Variants in CACNA2D3 observed in about 807,000 individuals in gnomAD.
CACNA2D3 encodes voltage-dependent calcium channel subunit alpha-2/delta-3.
Under a neutral mutation model 160.6 loss-of-function variants are expected in CACNA2D3, and 60 were observed. That is an observed-to-expected ratio of 0.37 (90% confidence interval 0.30 to 0.46). The LOEUF (loss-of-function observed/expected upper bound fraction) is 0.46, where lower values mean the gene tolerates loss of function less well. Ranked by LOEUF, CACNA2D3 falls within the 20% of genes least tolerant of loss-of-function variation. The pLI, the probability that CACNA2D3 is intolerant of heterozygous loss-of-function variation, is 1.00. For synonymous variants in CACNA2D3, 558 were observed against 492.9 expected (o/e 1.13, Z -1.75); for missense variants, 1,205 against 1,365.0 (o/e 0.88, Z 1.85).
intron 2 of CACNA2D3, among the ~76,000 whole-genome samples, chr3:54,144,269 T>C (rs1576955938): frequency 6.6e-6 from 1 of 152,352 alleles, no homozygotes; most frequent in South Asian, 2.1e-4. Flanking sequence ...TGTGGCTGTG[T>C]CCCCTTTTCC....
At chr3:54,488,865 G>C (rs1701061634) in intron 4 of CACNA2D3, among the ~76,000 whole-genome samples, 1 of 152,106 alleles carries the variant, frequency 6.6e-6, no homozygotes, top group African/African-American at 2.4e-5. Context: ...TATGGGACAG[G>C]CTCGTGAGGC....
chr3:54,916,059 C>T (rs1366882687), intron 27 of CACNA2D3, among the ~76,000 whole-genome samples: 6 of 152,154 alleles, frequency 3.9e-5, no homozygotes, highest in African/African-American at 1.2e-4. Flanking sequence ...CTGGCAGGGC[C>T]CAGTGCACTT....
rs60614684 is a variant in CACNA2D3 at position 54,564,142 on chromosome 3, C to T, written c.676+1211C>T. Among the ~76,000 whole-genome samples, 1,131 of 152,276 alleles carry T rather than the reference C, an allele frequency of 7.4e-3. 17 individuals carry two copies. The highest frequency in any genetic ancestry group is 0.026 in the African/African-American group (1,075 of 41,556). On this transcript the variant is annotated intron_variant, in intron 6 of 37. Coordinates refer to ENST00000474759, the MANE Select transcript of CACNA2D3 (RefSeq NM_018398.3). Reference sequence around the variant, plus strand: ...GGGAGAGGTTCCTCTGCTTGGGAAGCCCCTGGGTAGCCAACCGTCTCGCTA... The same window carrying T: ...GGGAGAGGTTCCTCTGCTTGGGAAGTCCCTGGGTAGCCAACCGTCTCGCTA...
At position 54,859,200 on chromosome 3, in the gene CACNA2D3, A is replaced by G. The variant is rs1699232316; in HGVS notation, c.1627-12339A>G. Among the ~76,000 whole-genome samples, 4 of 152,348 alleles carry G rather than the reference A, an allele frequency of 2.6e-5. No individual in the cohort carries two copies. The South Asian group carries it at 8.3e-4, about 32-fold the overall frequency. Reference sequence around the variant, plus strand: ...AATTATAAGCAGCTGTCATTTTTACATAATCCTAAATGATAAGACCCAAAG... The same window carrying G: ...AATTATAAGCAGCTGTCATTTTTACGTAATCCTAAATGATAAGACCCAAAG... On this transcript the variant is annotated intron_variant, in intron 17 of 37. Coordinates refer to ENST00000474759, the MANE Select transcript of CACNA2D3 (RefSeq NM_018398.3).
chr3:54,944,553 T>G (rs942885198), intron 27 of CACNA2D3, among the ~76,000 whole-genome samples: 2 of 152,108 alleles, frequency 1.3e-5, no homozygotes, highest in Non-Finnish European at 2.9e-5. Context: ...CCTGAGTAGC[T>G]GGGACTACAG....
chr3:54,676,693 G>A (rs971480027), intron 11 of CACNA2D3, among the ~76,000 whole-genome samples: 2 of 152,188 alleles, frequency 1.3e-5, no homozygotes, highest in African/African-American at 4.8e-5. Context: ...GAGCACTCCT[G>A]AAGTTCGATT....
intron 5 of CACNA2D3, among the ~76,000 whole-genome samples, chr3:54,518,388 A>G (rs1701589726): frequency 6.6e-6 from 1 of 152,078 alleles, no homozygotes; most frequent in Admixed American, 6.5e-5. Flanking sequence ...AGAGAGAGAG[A>G]GGGAAAGCAA....
At chr3:54,172,688 T>A (rs1045164466) in intron 2 of CACNA2D3, among the ~76,000 whole-genome samples, 1 of 152,252 alleles carries the variant, frequency 6.6e-6, no homozygotes, top group Non-Finnish European at 1.5e-5. Flanking sequence ...CCATTTCATA[T>A]GATTCAACCT....
chr3:54,707,871 G>A (rs896217087), intron 11 of CACNA2D3, among the ~76,000 whole-genome samples: 1 of 152,120 alleles, frequency 6.6e-6, no homozygotes, highest in Admixed American at 6.5e-5. Flanking sequence ...TATAGAAGGA[G>A]CTGTTTATCT....
intron 30 of CACNA2D3, 62 bp from the exon 31 acceptor site, chr3:54,987,621 T>A (rs2107108238): frequency 9.3e-7 from 1 of 1,078,994 alleles, no homozygotes; most frequent in East Asian, 2.4e-5. Flanking sequence ...CCTTTTCATT[T>A]CTTCTCTCCT....
chr3:54,246,110 T>C (rs4432683), intron 2 of CACNA2D3, among the ~76,000 whole-genome samples: 137,886 of 152,242 alleles, frequency 0.91, 62,659 homozygotes, highest in African/African-American at 0.95. Context: ...TGTTGTTCAG[T>C]GATTTTGGTT....
At chr3:54,918,211 G>A (rs773350775) in intron 27 of CACNA2D3, 61 of 429,004 alleles carry the variant, frequency 1.4e-4, no homozygotes, top group Admixed American at 3.2e-4. Context: ...ACATAGAATC[G>A]TCGTAATAAC....
chr3:54,293,242 G>A (rs779388982), intron 2 of CACNA2D3, among the ~76,000 whole-genome samples: 4 of 152,066 alleles, frequency 2.6e-5, no homozygotes, highest in Non-Finnish European at 4.4e-5. Flanking sequence ...AACAGGTGGT[G>A]TTTGGTTACA....
At chr3:54,143,089 G>A (rs1173935691) in intron 2 of CACNA2D3, among the ~76,000 whole-genome samples, 2 of 152,214 alleles carry the variant, frequency 1.3e-5, no homozygotes, top group Non-Finnish European at 2.9e-5. Context: ...CAGGAAGTAG[G>A]TAGCAAGGCT....
intron 4 of CACNA2D3, among the ~76,000 whole-genome samples, chr3:54,448,133 A>C (rs1700251334): frequency 6.6e-6 from 1 of 152,080 alleles, no homozygotes; most frequent in African/African-American, 2.4e-5. Context: ...GTCCATTCTC[A>C]AGCAAGCTGA....
At chr3:54,895,940 G>A (rs996037103) in intron 25 of CACNA2D3, among the ~76,000 whole-genome samples, 3 of 152,200 alleles carry the variant, frequency 2.0e-5, no homozygotes, top group African/African-American at 7.2e-5. Flanking sequence ...TGGGAGGTCT[G>A]GGGAGGGGAT....
chr3:54,579,602 G>T (rs533092961), intron 8 of CACNA2D3, among the ~76,000 whole-genome samples: 1 of 152,316 alleles, frequency 6.6e-6, no homozygotes, highest in African/African-American at 2.4e-5. Flanking sequence ...GCTGTGACTG[G>T]CTAAGACCCT....
Position 54,994,615 on chromosome 3 carries a change from C to G in CACNA2D3, c.2690+6862C>G, listed in dbSNP as rs559019406. Among the ~76,000 whole-genome samples the G allele has an allele frequency of 2.2e-4, 34 of 152,322 alleles. 1 individual carries two copies. The South Asian group carries it at 2.5e-3, about 11-fold the overall frequency. On this transcript the variant is annotated intron_variant, in intron 31 of 37. Transcript: ENST00000474759. ...GCCCTCATCTTCATCATCATGCAGT[C>G]TGTCTCACTTATTAAATACTAACTA...
chr3:54,823,944 T>A (rs1160362167), intron 14 of CACNA2D3, among the ~76,000 whole-genome samples: 1 of 152,244 alleles, frequency 6.6e-6, no homozygotes, highest in Non-Finnish European at 1.5e-5. Context: ...AATGAACTAA[T>A]TGTTTTACTC....
Sources: allele counts gnomAD v4.1 joint callset (sites outside exome capture counted in the v4.1 genomes callset), GRCh38; gene constraint gnomAD v4.1.1; transcripts MANE v1.5; gene names NCBI Gene and HGNC (gene_info 2026-07-23, HGNC 2026-07-21).